FAM76A: variants seen among roughly 807,000 people sequenced by gnomAD.
FAM76A encodes the protein family with sequence similarity 76 member A.
A neutral mutation model predicts 46.2 loss-of-function variants in FAM76A; 32 were observed. That is an observed-to-expected ratio of 0.69 (90% CI 0.52 to 0.93). The LOEUF is 0.93. FAM76A is among the 40% of genes least tolerant of loss of function. The pLI is 0.00. For synonymous variants in FAM76A, 137 were observed against 127.0 expected, an observed-to-expected ratio of 1.08 and a Z score of -0.53; for missense variants, 274 against 361.5, an observed-to-expected ratio of 0.76 and a Z score of 1.96.
At chr1:27,727,327 AGAG>A in intron 1 of FAM76A, 142 bp from the exon 2 acceptor site, 2 of 656,806 alleles carry the variant, frequency 3.0e-6, no homozygotes, top group East Asian at 2.9e-5. Flanking sequence ...CCAGTATTAC[AGAG>A]GAGAAAAATA....
At position 27,731,263 on chromosome 1, in the gene FAM76A, G is replaced by A. The variant is rs1457372782; in HGVS notation, c.147-1340G>A. Among the ~76,000 whole-genome samples, 3 of 148,986 alleles carry A rather than the reference G, an allele frequency of 2.0e-5. No homozygotes were observed. The East Asian group carries it at 5.9e-4, about 29-fold the overall frequency. On this transcript the variant is annotated intron_variant, in intron 2 of 8. Coordinates refer to ENST00000373954, the MANE Select transcript of FAM76A (RefSeq NM_152660.3). ...CTGTTGCCCAGGCTGGAGTGCAATG[G>A]CGCAATCTTGGCTCACTGCAACTTC...
intron 8 of FAM76A, 152 bp downstream of exon 8, chr1:27,759,779 G>GGTTTTTTTTTTTTT (rs2088473912): frequency 8.3e-6 from 3 of 363,572 alleles, no homozygotes; most frequent in East Asian, 1.2e-4. Context: ...TTTTTTTTTT[G>GGTTTTTTTTTTTTT]TTTTTTTTTT....
Position 27,734,182 on chromosome 1 carries a change from A to G in FAM76A, c.353A>G (p.Lys118Arg), listed in dbSNP as rs769987002. 1 of 1,568,934 alleles carries G rather than the reference A, an allele frequency of 6.4e-7. No homozygotes were observed. Among genetic ancestry groups the G allele is most frequent in the Non-Finnish European group, 8.6e-7 (1 of 1,163,044 alleles). The change falls in exon 4 of 9, where the codon AAG becomes AGG. Residue 118 changes from lysine (K) to arginine (R), a missense_variant and splice_region_variant. Lys to Arg is a conservative substitution (Grantham distance 26). Coordinates refer to ENST00000373954, the MANE Select transcript of FAM76A (RefSeq NM_152660.3). ...TTTGACAGGAAAGATGATAGAAAGA[A>G]GGTAAATCTCTGTTTTTCTTGATTT... ...CAFDRKDDRK[K>R]VDGKLLCWLC...
intron 6 of FAM76A, among the ~76,000 whole-genome samples, chr1:27,749,913 T>G (rs1221861006): frequency 6.6e-6 from 1 of 152,224 alleles, no homozygotes; most frequent in African/African-American, 2.4e-5. Flanking sequence ...ATGCATACTT[T>G]TAGTCCTCAC....
chr1:27,737,641 C>G (rs953259601), intron 4 of FAM76A, among the ~76,000 whole-genome samples: 43 of 151,936 alleles, frequency 2.8e-4, no homozygotes, highest in Non-Finnish European at 4.1e-4. Flanking sequence ...CACTTGAGGT[C>G]AGGAGATTAA....
intron 2 of FAM76A, 36 bp from the exon 3 acceptor site, chr1:27,732,567 T>C: frequency 6.3e-7 from 1 of 1,588,298 alleles, no homozygotes; most frequent in Non-Finnish European, 8.6e-7. Flanking sequence ...TTTCAGATAT[T>C]CTAAGAAAAG....
chr1:27,730,259 T>C (rs780997463), intron 2 of FAM76A: 1 of 193,044 alleles, frequency 5.2e-6, no homozygotes, highest in South Asian at 6.9e-5. Flanking sequence ...CGATCTCGGC[T>C]CACTGCAACC....
At chr1:27,746,019 A>T (rs1217754121) in intron 5 of FAM76A, among the ~76,000 whole-genome samples, 2 of 152,176 alleles carry the variant, frequency 1.3e-5, no homozygotes. Context: ...ATCTTCATTT[A>T]AAAAATTAAC....
intron 1 of FAM76A, among the ~76,000 whole-genome samples, chr1:27,726,640 T>C (rs2087865832): frequency 1.3e-5 from 2 of 151,816 alleles, no homozygotes; most frequent in Admixed American, 1.3e-4. Flanking sequence ...TTTTTTTTTT[T>C]TTTTAAGCAT....
At chr1:27,742,590 TA>T (rs2088173241) in intron 4 of FAM76A, among the ~76,000 whole-genome samples, 1 of 152,064 alleles carries the variant, frequency 6.6e-6, no homozygotes, top group Non-Finnish European at 1.5e-5. Context: ...AACTGAGGTA[TA>T]GGAGGGTGGG....
chr1:27,729,390 G>A (rs544497339), intron 2 of FAM76A, among the ~76,000 whole-genome samples: 64 of 151,536 alleles, frequency 4.2e-4, no homozygotes, highest in African/African-American at 1.4e-3. Flanking sequence ...TGTATCTTTA[G>A]TAGAGACAGG....
At chr1:27,757,308 T>G (rs2088427097) in intron 7 of FAM76A, among the ~76,000 whole-genome samples, 1 of 144,882 alleles carries the variant, frequency 6.9e-6, no homozygotes, top group African/African-American at 2.5e-5. Flanking sequence ...TTCTTGTGCC[T>G]CAGCCTCCTG....
intron 4 of FAM76A, among the ~76,000 whole-genome samples, chr1:27,737,881 AAAAAAAAAAAAC>A (rs2088080350): frequency 6.7e-6 from 1 of 150,092 alleles, no homozygotes; most frequent in Non-Finnish European, 1.5e-5. Flanking sequence ...AAAAAAAAAA[AAAAAAAAAAAAC>A]AGAAAAAAAA....
At chr1:27,726,414 G>A (rs1001015168) in intron 1 of FAM76A, among the ~76,000 whole-genome samples, 1 of 152,154 alleles carries the variant, frequency 6.6e-6, no homozygotes, top group Non-Finnish European at 1.5e-5. Flanking sequence ...GTGAGGTCGG[G>A]GGAGGGACAG....
chr1:27,755,456 G>C (rs2088395166), intron 7 of FAM76A, 126 bp downstream of exon 7: 1 of 1,234,554 alleles, frequency 8.1e-7, no homozygotes. Context: ...GGATATCCTG[G>C]GGAGAGGCTG....
At chr1:27,746,580 G>A (rs1184113018) in intron 5 of FAM76A, among the ~76,000 whole-genome samples, 1 of 151,860 alleles carries the variant, frequency 6.6e-6, no homozygotes, top group Non-Finnish European at 1.5e-5. Flanking sequence ...TACAAAAAGT[G>A]GCCAGGTGTG....
rs76683261 is a variant in FAM76A, at chr1:27,753,381, T to C, written c.600-1814T>C. ...TAGTTATGGGTTTAAATAGACTCTA[T>C]TCAGTTGAAGAAAGACAGGTCCTTA... On this transcript the variant is annotated intron_variant, in intron 6 of 8. Coordinates refer to ENST00000373954, the MANE Select transcript of FAM76A (RefSeq NM_152660.3). Among the ~76,000 whole-genome samples, 208 of 152,284 alleles carry C rather than the reference T, an allele frequency of 1.4e-3. 5 individuals carry two copies. In the East Asian group the frequency reaches 0.033, roughly 24 times the overall value.
intron 6 of FAM76A, among the ~76,000 whole-genome samples, chr1:27,751,352 A>G (rs1236186685): frequency 6.6e-6 from 1 of 152,148 alleles, no homozygotes; most frequent in Non-Finnish European, 1.5e-5. Flanking sequence ...TCATAGCACA[A>G]GATAAATTCC....
chr1:27,754,131 A>T (rs1406839348), intron 6 of FAM76A, among the ~76,000 whole-genome samples: 3 of 90,844 alleles, frequency 3.3e-5, no homozygotes, highest in East Asian at 3.4e-4. Context: ...TTTGAGACGG[A>T]GTTTCGCTCT....
Sources: allele counts gnomAD v4.1 joint callset (sites outside exome capture counted in the v4.1 genomes callset), GRCh38; gene constraint gnomAD v4.1.1; transcripts MANE v1.5; gene names NCBI Gene and HGNC (gene_info 2026-07-23, HGNC 2026-07-21).